The following PRKN variants were observed in gnomAD, a reference collection of about 807,000 sequenced individuals.
The protein encoded by PRKN is parkin RBR E3 ubiquitin protein ligase.
A neutral mutation model predicts 59.5 loss-of-function variants in PRKN; 56 were observed. That is an observed-to-expected ratio of 0.94 (90% CI 0.76 to 1.18). PRKN has a LOEUF of 1.18. PRKN is among the 50% of genes most tolerant of loss of function. The pLI is 0.00. For synonymous variants in PRKN, 250 were observed against 222.1 expected, an observed-to-expected ratio of 1.13 and a Z score of -1.12; for missense variants, 657 against 596.4, an observed-to-expected ratio of 1.10 and a Z score of -1.06.
At chr6:161,733,791 T>TATATATATATATATATAC (rs1554298479) in intron 7 of PRKN, among the ~76,000 whole-genome samples, 14 of 66,922 alleles carry the variant, frequency 2.1e-4, no homozygotes, top group African/African-American at 8.7e-4. Flanking sequence ...AAAATATATA[T>TATATATATATATATATAC]ATATATGTAT....
chr6:162,306,577 T>TCCACC, intron 2 of PRKN, among the ~76,000 whole-genome samples: 1 of 152,194 alleles, frequency 6.6e-6, no homozygotes, highest in African/African-American at 2.4e-5. Context: ...TGAAAATTGT[T>TCCACC]TTCCCCTGGC....
At chr6:161,672,960 C>G (rs1389823221) in intron 7 of PRKN, among the ~76,000 whole-genome samples, 1 of 152,152 alleles carries the variant, frequency 6.6e-6, no homozygotes, top group Non-Finnish European at 1.5e-5. Flanking sequence ...ATGACAGTAT[C>G]AATGGAACAT....
At chr6:161,895,837 G>T (rs542976687) in intron 6 of PRKN, among the ~76,000 whole-genome samples, 3 of 152,296 alleles carry the variant, frequency 2.0e-5, no homozygotes, top group Admixed American at 6.5e-5. Context: ...ATGGATGAGG[G>T]CACAGTGGGG....
rs183946698 is a variant in PRKN, at chr6:161,609,228, C to G, written c.872-39812G>C. Among the ~76,000 whole-genome samples, 676 of 152,240 alleles carry G rather than the reference C, an allele frequency of 4.4e-3. 6 individuals carry two copies. Among genetic ancestry groups the G allele is most frequent in the African/African-American group, 0.016 (648 of 41,530 alleles). ...GTTAAAAATATCTTAATCTATTTTA[C>G]TTTTAATTTTTTATACATGTACAAG... On this transcript the variant is annotated intron_variant, in intron 7 of 11. Transcript: ENST00000366898.
Position 162,641,244 on chromosome 6 carries a change from C to T in PRKN, c.7+86418G>A, listed in dbSNP as rs903345683. Among the ~76,000 whole-genome samples the T allele has an allele frequency of 3.9e-5, 6 of 151,970 alleles. No homozygotes were observed. In the South Asian group the frequency reaches 1.2e-3, roughly 32 times the overall value. On this transcript the variant is annotated intron_variant, in intron 1 of 11. Transcript: ENST00000366898. ...AGACATATGGAACCCATGAAACAAA[C>T]CCAATTATTTCTAGTATTCTTTTAC...
At chr6:162,011,842 T>G (rs1279336368) in intron 5 of PRKN, among the ~76,000 whole-genome samples, 1 of 151,704 alleles carries the variant, frequency 6.6e-6, no homozygotes, top group East Asian at 1.9e-4. Context: ...CAAATTATTT[T>G]ACTTCTACAT....
Position 161,400,537 on chromosome 6 carries a change from C to A in PRKN, c.1084-13660G>T, listed in dbSNP as rs141847868. 6.6e-6 allele frequency among the ~76,000 whole-genome samples: 1 copy of A among 152,052 alleles called. No individual in the cohort carries two copies. Among genetic ancestry groups the A allele is most frequent in the African/African-American group, 2.4e-5 (1 of 41,384 alleles). On this transcript the variant is annotated intron_variant, in intron 9 of 11. Transcript: ENST00000366898. This position sits in a 1 kb window ranked among gnomAD's most constrained non-coding sequence, Gnocchi z 4.2. ...CCATATTGGCCAGGCTGGTCTCAAA[C>A]CCCTGACCTCAGGTAATCCGTTCCC...
intron 4 of PRKN, among the ~76,000 whole-genome samples, chr6:162,153,777 T>C (rs1200172211): frequency 6.6e-6 from 1 of 152,116 alleles, no homozygotes; most frequent in Non-Finnish European, 1.5e-5. Flanking sequence ...TGCCTCTCTA[T>C]GACATTCAGC....
chr6:161,867,874 C>T (rs1168314293), intron 6 of PRKN, among the ~76,000 whole-genome samples: 3 of 151,906 alleles, frequency 2.0e-5, no homozygotes, highest in African/African-American at 7.3e-5. Flanking sequence ...GATTCTCCTG[C>T]CTCAGCCTCC....
At chr6:162,553,035 C>T (rs1583786200) in intron 1 of PRKN, among the ~76,000 whole-genome samples, 1 of 152,150 alleles carries the variant, frequency 6.6e-6, no homozygotes, top group Middle Eastern at 3.4e-3. Flanking sequence ...GTGATGCTGT[C>T]TCAGGGGAGG....
chr6:162,138,692 G>C (rs1257429518), intron 4 of PRKN, among the ~76,000 whole-genome samples: 1 of 152,020 alleles, frequency 6.6e-6, no homozygotes, highest in East Asian at 1.9e-4. Flanking sequence ...GGAGAAAAGT[G>C]AGTGTTGAAA....
At chr6:162,339,347 T>G (rs1403160947) in intron 2 of PRKN, among the ~76,000 whole-genome samples, 6 of 102,216 alleles carry the variant, frequency 5.9e-5, no homozygotes, top group South Asian at 3.8e-4. Context: ...GGTGGGGGGG[T>G]CAGCCCCCGC....
Position 161,484,033 on chromosome 6 carries a change from G to A in PRKN, c.1083+64821C>T, listed in dbSNP as rs1791537328. On this transcript the variant is annotated intron_variant, in intron 9 of 11. Coordinates refer to ENST00000366898, the MANE Select transcript of PRKN (RefSeq NM_004562.3). The surrounding 1 kb of genome is among the most constrained non-coding windows in gnomAD (Gnocchi z 4.9). ...ACACTGGGGCCTGCTGGGGGGTTGT[G>A]GGGAGGGAGAGCATCAGGAAGAATA... is the stretch of plus-strand genomic sequence containing the variant. Among the ~76,000 whole-genome samples the A allele has an allele frequency of 6.6e-6, 1 of 152,090 alleles. No homozygotes were observed. Among genetic ancestry groups the A allele is most frequent in the Admixed American group, 6.6e-5 (1 of 15,262 alleles).
At chr6:161,541,323 C>T (rs55845596) in intron 9 of PRKN, among the ~76,000 whole-genome samples, 22,402 of 152,198 alleles carry the variant, frequency 0.15, 1,789 homozygotes, top group South Asian at 0.23. Flanking sequence ...CAGCCCCAGA[C>T]AGAGGTCAGA....
chr6:162,352,775 T>C (rs1784676816), intron 2 of PRKN, among the ~76,000 whole-genome samples: 1 of 152,078 alleles, frequency 6.6e-6, no homozygotes, highest in Non-Finnish European at 1.5e-5. Context: ...ACAGAGAGAG[T>C]ATTATAATTC....
At chr6:161,374,718 G>A (rs1785613370) in intron 10 of PRKN, among the ~76,000 whole-genome samples, 1 of 151,472 alleles carries the variant, frequency 6.6e-6, no homozygotes, top group African/African-American at 2.4e-5. Context: ...TTATGTGTGT[G>A]GCATGTGTGA....
At chr6:162,311,736 T>A (rs1337246183) in intron 2 of PRKN, among the ~76,000 whole-genome samples, 1 of 152,086 alleles carries the variant, frequency 6.6e-6, no homozygotes, top group Non-Finnish European at 1.5e-5. Flanking sequence ...GACTGCTCAG[T>A]GCTTAGGGTG....
intron 2 of PRKN, among the ~76,000 whole-genome samples, chr6:162,427,261 T>C (rs542025689): frequency 6.6e-6 from 1 of 152,302 alleles, no homozygotes; most frequent in South Asian, 2.1e-4. Context: ...AGAGCAATTA[T>C]TTAGTATCTA....
chr6:161,421,138 G>A (rs1038414862), intron 9 of PRKN, among the ~76,000 whole-genome samples: 1 of 152,172 alleles, frequency 6.6e-6, no homozygotes, highest in African/African-American at 2.4e-5. Context: ...GTTCACCTGG[G>A]TGAGCCTTTA....
Sources: allele counts gnomAD v4.1 joint callset (sites outside exome capture counted in the v4.1 genomes callset), GRCh38; gene constraint gnomAD v4.1.1; non-coding constraint Gnocchi (gnomAD v3.1); transcripts MANE v1.5; gene names NCBI Gene and HGNC (gene_info 2026-07-23, HGNC 2026-07-21).